PDZD2: variants seen among roughly 807,000 people sequenced by gnomAD.
PDZD2 encodes PDZ domain-containing protein 2.
Under a neutral mutation model 220.7 loss-of-function variants are expected in PDZD2, and 90 were observed. That is an observed-to-expected ratio of 0.41 (90% confidence interval 0.34 to 0.49). PDZD2 has a LOEUF of 0.49. PDZD2 is among the 20% of genes least tolerant of loss of function. The pLI, the probability that PDZD2 is intolerant of heterozygous loss-of-function variation, is 0.28. For synonymous variants in PDZD2, 1,375 were observed against 1,450.5 expected (o/e 0.95, Z 1.18); for missense variants, 3,174 against 3,608.5 (o/e 0.88, Z 3.08).
intron 5 of PDZD2, among the ~76,000 whole-genome samples, chr5:32,005,341 T>C (rs1057174640): frequency 6.6e-6 from 1 of 152,194 alleles, no homozygotes; most frequent in Non-Finnish European, 1.5e-5. Context: ...AAATAAATTA[T>C]TTGCTTATAG....
intron 2 of PDZD2, among the ~76,000 whole-genome samples, chr5:31,965,328 G>A (rs2111732074): frequency 6.6e-6 from 1 of 152,282 alleles, no homozygotes; most frequent in South Asian, 2.1e-4. Context: ...AGGGCACAGG[G>A]GATTGGTTTG....
At position 31,995,686 on chromosome 5, in the gene PDZD2, C is replaced by A; in HGVS notation, c.1089C>A (p.Val363=). The change falls in exon 4 of 25, where the codon GTC becomes GTA. Residue 363 remains valine, a synonymous_variant. Coordinates refer to ENST00000438447, the MANE Select transcript of PDZD2 (RefSeq NM_178140.4). ...GSKRSPHAIV[V]TQVKEGGAAH... ...AGCGCTCACCTCACGCTATCGTTGTCACTCAAGTGAAGGAAGGAGGTGCCG... is the reference window on the plus strand; with the variant it reads ...AGCGCTCACCTCACGCTATCGTTGTAACTCAAGTGAAGGAAGGAGGTGCCG... 1.2e-6 allele frequency: 2 copies of A among 1,614,060 alleles called. No individual in the cohort carries two copies. The highest frequency in any genetic ancestry group is 1.7e-6 in the Non-Finnish European group (2 of 1,180,026).
chr5:31,937,282 G>T (rs879434754), intron 2 of PDZD2, among the ~76,000 whole-genome samples: 1 of 152,170 alleles, frequency 6.6e-6, no homozygotes, highest in Admixed American at 6.5e-5. Context: ...TTGGGGGATT[G>T]GGCTAACATG....
At position 31,750,746 on chromosome 5, in the gene PDZD2, G is replaced by T. The variant is rs150591998; in HGVS notation, c.-360-48143G>T. On this transcript the variant is annotated intron_variant, in intron 1 of 24. Coordinates refer to ENST00000438447, the MANE Select transcript of PDZD2 (RefSeq NM_178140.4). Reference sequence around the variant, plus strand: ...AGAGCAAGGGGCCACTGTTCCTGGTGCATTCCCACCAGTGAGAGGGGCTGC... The same window carrying T: ...AGAGCAAGGGGCCACTGTTCCTGGTTCATTCCCACCAGTGAGAGGGGCTGC... Among the ~76,000 whole-genome samples the T allele has an allele frequency of 5.0e-3, 764 of 152,306 alleles. 7 individuals carry two copies. The highest frequency in any genetic ancestry group is 0.017 in the African/African-American group (720 of 41,568).
intron 1 of PDZD2, among the ~76,000 whole-genome samples, chr5:31,757,727 G>A (rs1751379945): frequency 6.6e-6 from 1 of 152,198 alleles, no homozygotes; most frequent in Admixed American, 6.5e-5. Context: ...TTAAGTGAAA[G>A]AGAATGGTCA....
At chr5:31,825,917 C>G (rs1329099663) in intron 2 of PDZD2, among the ~76,000 whole-genome samples, 1 of 144,638 alleles carries the variant, frequency 6.9e-6, no homozygotes, top group Non-Finnish European at 1.5e-5. Context: ...ATGCTATTAA[C>G]AGGTGTCAAG....
intron 2 of PDZD2, among the ~76,000 whole-genome samples, chr5:31,982,932 A>G (rs1430617081): frequency 6.6e-6 from 1 of 152,290 alleles, no homozygotes; most frequent in South Asian, 2.1e-4. Flanking sequence ...TTTCTAGTTC[A>G]TGGGGTTTTG....
At chr5:31,747,138 G>A (rs1179139178) in intron 1 of PDZD2, among the ~76,000 whole-genome samples, 1 of 152,188 alleles carries the variant, frequency 6.6e-6, no homozygotes, top group African/African-American at 2.4e-5. Context: ...TGGCACCATT[G>A]CACTCCAGCC....
chr5:32,081,625 G>T (rs1280380584), intron 19 of PDZD2, among the ~76,000 whole-genome samples: 1 of 152,210 alleles, frequency 6.6e-6, no homozygotes, highest in Non-Finnish European at 1.5e-5. Flanking sequence ...TGGTCCTGCT[G>T]AGTACTTGAG....
chr5:32,095,575 CTG>C (rs1561585456), intron 21 of PDZD2, among the ~76,000 whole-genome samples: 1 of 152,144 alleles, frequency 6.6e-6, no homozygotes, highest in Non-Finnish European at 1.5e-5. Flanking sequence ...CGCCCTGAGA[CTG>C]TGCTGAGGCT....
chr5:31,977,433 T>C (rs1043759765), intron 2 of PDZD2, among the ~76,000 whole-genome samples: 4 of 152,200 alleles, frequency 2.6e-5, no homozygotes, highest in Non-Finnish European at 4.4e-5. Context: ...TGGCCCTCTC[T>C]TATCTATTTT....
intron 2 of PDZD2, among the ~76,000 whole-genome samples, chr5:31,812,845 T>C (rs1373765923): frequency 6.6e-6 from 1 of 152,174 alleles, no homozygotes; most frequent in African/African-American, 2.4e-5. Context: ...CCTCCCGAAG[T>C]GCTGGTATTA....
intron 6 of PDZD2, among the ~76,000 whole-genome samples, chr5:32,024,756 G>A (rs1754498307): frequency 6.6e-6 from 1 of 152,152 alleles, no homozygotes; most frequent in African/African-American, 2.4e-5. Flanking sequence ...CCCATGGATG[G>A]GGGCTCCGTT....
intron 2 of PDZD2, among the ~76,000 whole-genome samples, chr5:31,948,243 G>A (rs1405960021): frequency 6.6e-6 from 1 of 152,122 alleles, no homozygotes; most frequent in Non-Finnish European, 1.5e-5. Flanking sequence ...TTGTTTGGGC[G>A]AGCAAGCTGG....
chr5:31,742,906 TTC>T (rs1279314433), intron 1 of PDZD2, among the ~76,000 whole-genome samples: 1 of 152,206 alleles, frequency 6.6e-6, no homozygotes, highest in African/African-American at 2.4e-5. Context: ...AGATTATTGT[TTC>T]TTCTGTTTGT....
intron 2 of PDZD2, chr5:31,847,798 C>G: frequency 1.7e-6 from 1 of 573,754 alleles, no homozygotes; most frequent in Non-Finnish European, 3.4e-6. Flanking sequence ...CAGTACCAGA[C>G]GATTCCCTGG....
At chr5:31,794,162 G>A (rs1753874884) in intron 1 of PDZD2, among the ~76,000 whole-genome samples, 1 of 152,028 alleles carries the variant, frequency 6.6e-6, no homozygotes, top group African/African-American at 2.4e-5. Context: ...TCTCTCAAAT[G>A]TCACCTTCTC....
At chr5:32,069,016 C>T (rs916904609) in intron 14 of PDZD2, among the ~76,000 whole-genome samples, 1 of 152,008 alleles carries the variant, frequency 6.6e-6, no homozygotes, top group Non-Finnish European at 1.5e-5. Context: ...ACCTGTAATC[C>T]CAGCACTTTG....
intron 2 of PDZD2, among the ~76,000 whole-genome samples, chr5:31,965,757 C>T (rs1748686799): frequency 6.6e-6 from 1 of 152,072 alleles, no homozygotes. Flanking sequence ...ATTAGCCAGG[C>T]ATGGTGGCAC....
Sources: allele counts gnomAD v4.1 joint callset (sites outside exome capture counted in the v4.1 genomes callset), GRCh38; gene constraint gnomAD v4.1.1; transcripts MANE v1.5; gene names NCBI Gene and HGNC (gene_info 2026-07-23, HGNC 2026-07-21).